DNAH14: variants seen among roughly 807,000 people sequenced by gnomAD.
DNAH14 encodes the protein dynein axonemal heavy chain 14, also known as axonemal beta dynein heavy chain 14.
DNAH14 carries 478 observed loss-of-function variants against 520.9 expected under a neutral mutation model. The observed-to-expected ratio is 0.92, with a 90% CI of 0.85 to 0.99. The LOEUF (loss-of-function observed/expected upper bound fraction) is 0.99, where lower values mean the gene tolerates loss of function less well. DNAH14 is among the 50% of genes least tolerant of loss of function. DNAH14 has a pLI of 0.00. For synonymous variants in DNAH14, 1,581 were observed against 1,757.2 expected, an observed-to-expected ratio of 0.90 and a Z score of 2.51; for missense variants, 4,831 against 5,234.5, an observed-to-expected ratio of 0.92 and a Z score of 2.38.
intron 34 of DNAH14, among the ~76,000 whole-genome samples, chr1:225,155,598 T>G (rs2149113238): frequency 6.6e-6 from 1 of 152,312 alleles, no homozygotes; most frequent in African/African-American, 2.4e-5. Flanking sequence ...CACCTAGTTC[T>G]TTACGTAAGT....
At chr1:225,080,179 C>T (rs561337319) in intron 18 of DNAH14, among the ~76,000 whole-genome samples, 200 bp from the exon 19 acceptor site, 4 of 152,238 alleles carry the variant, frequency 2.6e-5, no homozygotes, top group African/African-American at 9.6e-5. Context: ...GGGCTCATGG[C>T]ATAAAAGGGA....
At chr1:225,146,975 GA>G in intron 30 of DNAH14, 128 bp from the exon 31 acceptor site, 1 of 659,350 alleles carries the variant, frequency 1.5e-6, no homozygotes, top group Admixed American at 3.2e-5. Context: ...AAATGCCTAG[GA>G]GGGGGAAATG....
intron 79 of DNAH14, 99 bp from the exon 80 acceptor site, chr1:225,380,060 T>G: frequency 7.8e-7 from 1 of 1,282,138 alleles, no homozygotes; most frequent in Non-Finnish European, 1.1e-6. Flanking sequence ...CTAAACATAT[T>G]CCTCCTGTCT....
At chr1:225,219,743 G>A (rs988348516) in intron 41 of DNAH14, among the ~76,000 whole-genome samples, 6 of 152,146 alleles carry the variant, frequency 3.9e-5, no homozygotes, top group African/African-American at 1.4e-4. Flanking sequence ...AGAGGAGCTA[G>A]AACCATTTTT....
At chr1:225,043,242 C>A in intron 13 of DNAH14, 128 bp downstream of exon 13, 1 of 493,652 alleles carries the variant, frequency 2.0e-6, no homozygotes. Context: ...CCAGCCTGGG[C>A]AACACAGTGA....
chr1:225,226,069 C>T (rs953648653), intron 41 of DNAH14, among the ~76,000 whole-genome samples: 2 of 152,176 alleles, frequency 1.3e-5, no homozygotes, highest in African/African-American at 4.8e-5. Flanking sequence ...TACATTGCAA[C>T]TCTCATAGGG....
Position 225,351,646 on chromosome 1 carries a change from G to T in DNAH14, c.11297-1G>T. The T allele has an allele frequency of 6.5e-7, 1 of 1,534,484 alleles. No homozygotes were observed. Among genetic ancestry groups the T allele is most frequent in the Non-Finnish European group, 8.8e-7 (1 of 1,138,076 alleles). ...TGTGATCATCTTTCTTTTTTTATCA[G>T]GCACATTTGAAATAGGTGAAAGTCA... On this transcript the variant is annotated splice_acceptor_variant, in intron 71 of 85. Transcript: ENST00000682510. LOFTEE classifies it high-confidence loss of function.
chr1:225,273,301 G>A (rs797007784), intron 52 of DNAH14, among the ~76,000 whole-genome samples, 176 bp downstream of exon 52: 18 of 152,278 alleles, frequency 1.2e-4, no homozygotes, highest in African/African-American at 4.3e-4. Context: ...GCGTGGTGAT[G>A]GGCGCCTGTA....
intron 37 of DNAH14, among the ~76,000 whole-genome samples, chr1:225,188,981 C>T (rs2085078565): frequency 6.6e-6 from 1 of 151,830 alleles, no homozygotes; most frequent in African/African-American, 2.4e-5. Context: ...GAGTATGGTG[C>T]TGAGTTTGAT....
intron 27 of DNAH14, among the ~76,000 whole-genome samples, chr1:225,139,642 A>G (rs750849496): frequency 2.0e-5 from 3 of 152,234 alleles, no homozygotes; most frequent in Non-Finnish European, 2.9e-5. Context: ...TTTATAAATA[A>G]ATAACAAACA....
At chr1:225,059,370 A>G (rs1303034595) in intron 17 of DNAH14, among the ~76,000 whole-genome samples, 1 of 151,298 alleles carries the variant, frequency 6.6e-6, no homozygotes. Context: ...TTTGTTTTCC[A>G]TTTGCTTGGT....
At chr1:225,070,368 C>T (rs1221356165) in intron 17 of DNAH14, among the ~76,000 whole-genome samples, 2 of 152,160 alleles carry the variant, frequency 1.3e-5, no homozygotes, top group Non-Finnish European at 2.9e-5. Flanking sequence ...CCTCTTAATA[C>T]TGCCTTAGCT....
chr1:225,239,378 G>T (rs1208829735), intron 42 of DNAH14, among the ~76,000 whole-genome samples: 2 of 152,100 alleles, frequency 1.3e-5, no homozygotes, highest in African/African-American at 4.8e-5. Context: ...AGCAGTGAGG[G>T]AGTGTGCAAC....
At chr1:225,024,670 C>T (rs1055083805) in intron 11 of DNAH14, 1 of 152,094 alleles carries the variant, frequency 6.6e-6, no homozygotes, top group Non-Finnish European at 1.5e-5. Context: ...GAGCTAACAT[C>T]ACTTACCTAA....
At chr1:224,951,880 C>A (rs2060201393) in intron 1 of DNAH14, among the ~76,000 whole-genome samples, 1 of 152,026 alleles carries the variant, frequency 6.6e-6, no homozygotes. Flanking sequence ...ACCTCGTGAT[C>A]CACCCGCCTT....
In DNAH14 at chr1:225,051,629, A is replaced by G. The variant is rs543636014; in HGVS notation, c.2258A>G (p.Tyr753Cys). Residue 753 changes from tyrosine (Y) to cysteine (C), a missense_variant, in exon 17 of 86, where the codon TAT becomes TGT. Transcript: ENST00000682510. ...FEAILNRFRN[Y>C]FRHIVNMAIE... ...GCTATTCTAAATAGATTCAGAAACTATTTTAGACATATTGTGAATATGGCC... is the reference window on the plus strand; with the variant it reads ...GCTATTCTAAATAGATTCAGAAACTGTTTTAGACATATTGTGAATATGGCC... The G allele has an allele frequency of 1.1e-5, 17 of 1,551,034 alleles. No homozygotes were observed. The South Asian group carries it at 1.7e-4, about 15-fold the overall frequency.
chr1:225,252,417 G>A lies in DNAH14; in HGVS notation c.6865G>A (p.Gly2289Arg). 2.8e-6 allele frequency: 4 copies of A among 1,449,000 alleles called. No homozygotes were observed. The highest frequency in any genetic ancestry group is 2.8e-6 in the Non-Finnish European group (3 of 1,056,384). The allele number at this position is 1,449,000 out of a possible 1,614,324, so 89.8% of individuals were successfully genotyped here. The change falls in exon 44 of 86, where the codon GGA (glycine) becomes AGA (arginine). Residue 2289 changes from glycine (G) to arginine (R), a missense_variant and splice_region_variant. Gly to Arg is a moderately radical substitution (Grantham distance 125). Coordinates refer to ENST00000682510, the MANE Select transcript of DNAH14 (RefSeq NM_001367479.1). Reference sequence around the variant, plus strand: ...TAATGATCAGACACTAATTCAAAGAGGTAAGAATAATTATAAGAATCATAC... The same window carrying A: ...TAATGATCAGACACTAATTCAAAGAAGTAAGAATAATTATAAGAATCATAC... ...VPNDQTLIQR[G>R]TSLLTNLQRS...
intron 36 of DNAH14, among the ~76,000 whole-genome samples, chr1:225,171,761 C>A (rs1275922442): frequency 6.6e-6 from 1 of 152,214 alleles, no homozygotes; most frequent in East Asian, 1.9e-4. Context: ...TCCTCCCTAA[C>A]TCATTTTATG....
At chr1:225,314,779 G>T (rs1434408447) in intron 60 of DNAH14, among the ~76,000 whole-genome samples, 4 of 152,158 alleles carry the variant, frequency 2.6e-5, no homozygotes, top group Non-Finnish European at 5.9e-5. Context: ...CTCTCTTCTG[G>T]TTTGTAGGGA....
Sources: gnomAD v4.1 joint callset for allele counts (sites outside exome capture counted in the v4.1 genomes callset) on GRCh38, gnomAD v4.1.1 for gene constraint, MANE v1.5 for transcripts, NCBI Gene and HGNC (gene_info 2026-07-23, HGNC 2026-07-21) for gene names.